Variants in ZSCAN25 observed in about 807,000 individuals in gnomAD.
ZSCAN25 encodes zinc finger and SCAN domain containing 25, also known as zinc finger and SCAN domain-containing protein 25.
In ZSCAN25, 27 loss-of-function variants were observed where a neutral mutation model predicts 38.7. The ratio of observed to expected loss-of-function variants is 0.70; its 90% confidence interval spans 0.51 to 0.96. The LOEUF (loss-of-function observed/expected upper bound fraction) is 0.96. Ranked by LOEUF, ZSCAN25 falls within the 40% of genes least tolerant of loss-of-function variation. The pLI is 0.00. For synonymous variants in ZSCAN25, 273 were observed against 277.7 expected, an observed-to-expected ratio of 0.98 and a Z score of 0.17; for missense variants, 637 against 705.9, an observed-to-expected ratio of 0.90 and a Z score of 1.11.
the ZSCAN25 span, among the ~76,000 whole-genome samples, chr7:99,729,455 C>T: frequency 1.3e-5 from 2 of 152,012 alleles, no homozygotes; most frequent in African/African-American, 4.8e-5. Flanking sequence ...TTTGCTGCCC[C>T]AACACTTTGC....
the ZSCAN25 span, among the ~76,000 whole-genome samples, chr7:99,701,184 A>G: frequency 6.6e-6 from 1 of 152,210 alleles, no homozygotes; most frequent in African/African-American, 2.4e-5. Context: ...GATCCCACAA[A>G]TAAGTGAGAA....
the ZSCAN25 span, among the ~76,000 whole-genome samples, chr7:99,732,332 A>G: frequency 0.043 from 6,492 of 152,244 alleles, 437 homozygotes; most frequent in African/African-American, 0.15. Flanking sequence ...CTTCCTGTAG[A>G]GCCTGCAGAA....
rs377441582 is a variant in ZSCAN25, at chr7:99,630,040, G to A, written c.*20G>A. ...CAGTGAGCATAGCAGGTGGCAGGCA[G>A]CACCATCATTCATCTTTCTCACTGC... On this transcript the variant is annotated 3_prime_UTR_variant, in exon 8 of 8. Transcript: ENST00000394152. 6 of 1,495,836 alleles carry A rather than the reference G, an allele frequency of 4.0e-6. No individual in the cohort carries two copies. In the African/African-American group the frequency reaches 7.0e-5, roughly 17 times the overall value. The allele number at this position is 1,495,836 out of a possible 1,614,324, so 92.7% of individuals were successfully genotyped here.
the ZSCAN25 span, among the ~76,000 whole-genome samples, chr7:99,639,970 G>C: frequency 1.3e-5 from 2 of 152,164 alleles, no homozygotes; most frequent in Non-Finnish European, 2.9e-5. Flanking sequence ...AAGAGGTTGA[G>C]GTGGGAGGAT....
chr7:99,619,755 A>G lies in ZSCAN25; in HGVS notation c.149A>G (p.Tyr50Cys). The G allele has an allele frequency of 6.2e-7, 1 of 1,614,250 alleles. No homozygotes were observed. The highest frequency in any genetic ancestry group is 8.5e-7 in the Non-Finnish European group (1 of 1,180,048). ...TFRLRFRQFR[Y>C]QEAAGPQEAL... is the part of the protein sequence containing the mutation. ...CGGCTGAGGTTTCGGCAGTTCCGCT[A>G]CCAGGAGGCAGCTGGACCCCAGGAA... is the stretch of plus-strand genomic sequence containing the variant. Residue 50 changes from tyrosine to cysteine, a missense_variant, in exon 4 of 8, where the codon TAC becomes TGC. By Grantham distance (194) the Tyr-to-Cys change is radical. Coordinates refer to ENST00000394152, the MANE Select transcript of ZSCAN25 (RefSeq NM_145115.3).
At chr7:99,700,691 G>A in the ZSCAN25 span, among the ~76,000 whole-genome samples, 8,819 of 152,158 alleles carry the variant, frequency 0.058, 529 homozygotes, top group East Asian at 0.25. Context: ...GTTCCTCAAG[G>A]GCACAGTCTG....
At chr7:99,648,133 CACTCTACACAG>C in the ZSCAN25 span, 1 of 1,328,102 alleles carries the variant, frequency 7.5e-7, no homozygotes, top group African/African-American at 1.5e-5. Context: ...TAATGCACAA[CACTCTACACAG>C]ACTCTGGGAG....
At chr7:99,679,224 A>G in the ZSCAN25 span, among the ~76,000 whole-genome samples, 2 of 151,774 alleles carry the variant, frequency 1.3e-5, no homozygotes, top group African/African-American at 2.4e-5. Flanking sequence ...CATAGGAGGG[A>G]GGGGATTTTC....
chr7:99,636,046 CA>C (rs780898445), downstream of ZSCAN25, among the ~76,000 whole-genome samples: 825 of 43,390 alleles, frequency 0.019, 2 homozygotes, highest in African/African-American at 0.043. Flanking sequence ...GACTCCATCT[CA>C]AAAAAAAAAA....
the ZSCAN25 span, among the ~76,000 whole-genome samples, chr7:99,689,402 A>C: frequency 1.3e-5 from 2 of 152,242 alleles, no homozygotes; most frequent in South Asian, 2.1e-4. Context: ...TATGCAAATA[A>C]ACTAGAAAAT....
At chr7:99,638,002 A>G in the ZSCAN25 span, among the ~76,000 whole-genome samples, 5 of 152,222 alleles carry the variant, frequency 3.3e-5, no homozygotes, top group African/African-American at 1.2e-4. Flanking sequence ...GAAGTCAACA[A>G]GAGCATCTAG....
In ZSCAN25 at chr7:99,629,889, G is replaced by T. The variant is rs778936492; in HGVS notation, c.1504G>T (p.Val502Phe). 6.2e-7 allele frequency: 1 copy of T among 1,614,238 alleles called. No individual in the cohort carries two copies. Among genetic ancestry groups the T allele is most frequent in the Non-Finnish European group, 8.5e-7 (1 of 1,180,028 alleles). Residue 502 changes from valine to phenylalanine, a missense_variant, in exon 8 of 8, where the codon GTC (valine) becomes TTC (phenylalanine). Val to Phe is a conservative substitution (Grantham distance 50, BLOSUM62 -1). Coordinates refer to ENST00000394152, the MANE Select transcript of ZSCAN25 (RefSeq NM_145115.3). The surrounding 1 kb of genome is among the most constrained non-coding windows in gnomAD (Gnocchi z 5.6). ...GKRFSKGERL[V>F]RHQRIHTGEK... ...GCGGTTCAGCAAAGGGGAGCGGCTG[G>T]TCCGACACCAGAGAATCCATACAGG...
At chr7:99,690,933 A>C in the ZSCAN25 span, among the ~76,000 whole-genome samples, 35 of 152,294 alleles carry the variant, frequency 2.3e-4, no homozygotes, top group East Asian at 2.7e-3. Context: ...CCCAGCCATC[A>C]CATTACTGGG....
chr7:99,629,899 A>G lies in ZSCAN25; in HGVS notation c.1514A>G (p.Gln505Arg), dbSNP rs1017190333. Residue 505 changes from glutamine (Q) to arginine (R), a missense_variant, in exon 8 of 8, where the codon CAG (glutamine) becomes CGG (arginine). By Grantham distance (43) the Gln-to-Arg change is conservative. Transcript: ENST00000394152. The surrounding 1 kb of genome is among the most constrained non-coding windows in gnomAD (Gnocchi z 5.6). ...AAAGGGGAGCGGCTGGTCCGACACCAGAGAATCCATACAGGGGAGAAGCCC... is the reference window on the plus strand; with the variant it reads ...AAAGGGGAGCGGCTGGTCCGACACCGGAGAATCCATACAGGGGAGAAGCCC... ...FSKGERLVRH[Q>R]RIHTGEKPYH... 1 of 1,614,212 alleles carries G rather than the reference A, an allele frequency of 6.2e-7. No individual in the cohort carries two copies. Among genetic ancestry groups the G allele is most frequent in the Non-Finnish European group, 8.5e-7 (1 of 1,180,024 alleles).
chr7:99,727,011 C>G, the ZSCAN25 span, among the ~76,000 whole-genome samples: 1 of 152,148 alleles, frequency 6.6e-6, no homozygotes, highest in Non-Finnish European at 1.5e-5. Flanking sequence ...TTTTGCCATC[C>G]TAACAAAACC....
downstream of ZSCAN25, among the ~76,000 whole-genome samples, chr7:99,636,646 A>G (rs1413903165): frequency 2.6e-5 from 4 of 152,178 alleles, no homozygotes; most frequent in Non-Finnish European, 5.9e-5. Context: ...TAAATTCCCT[A>G]TTTAATTCCT....
At chr7:99,623,794 A>C (rs1807212922) in intron 6 of ZSCAN25, among the ~76,000 whole-genome samples, 1 of 152,228 alleles carries the variant, frequency 6.6e-6, no homozygotes, top group South Asian at 2.1e-4. Flanking sequence ...CTTGATGAGA[A>C]GGTAAATAGC....
the ZSCAN25 span, chr7:99,650,212 C>T: frequency 6.2e-7 from 1 of 1,613,806 alleles, no homozygotes; most frequent in Non-Finnish European, 8.5e-7. Flanking sequence ...AGGATCTATG[C>T]TGTCCTTCTT....
the ZSCAN25 span, among the ~76,000 whole-genome samples, chr7:99,693,288 C>A: frequency 6.6e-6 from 1 of 152,108 alleles, no homozygotes; most frequent in Non-Finnish European, 1.5e-5. Context: ...GAGGGGCACC[C>A]GCATGTTTGA....
Sources: gnomAD v4.1 joint callset for allele counts (sites outside exome capture counted in the v4.1 genomes callset) on GRCh38, gnomAD v4.1.1 for gene constraint, Gnocchi (gnomAD v3.1) non-coding constraint, MANE v1.5 for transcripts, NCBI Gene and HGNC (gene_info 2026-07-23, HGNC 2026-07-21) for gene names.